HSD17B2: variants seen among roughly 807,000 people sequenced by gnomAD.
HSD17B2 encodes the protein hydroxysteroid 17-beta dehydrogenase 2.
Under a neutral mutation model 26.9 loss-of-function variants are expected in HSD17B2, and 32 were observed. The ratio of observed to expected loss-of-function variants is 1.19; its 90% CI spans 0.90 to 1.60. HSD17B2 has a LOEUF of 1.60. Among genes scored for constraint, HSD17B2 ranks in the 40% most tolerant of loss-of-function variants. The pLI, the probability that HSD17B2 is intolerant of heterozygous loss-of-function variation, is 0.00. For synonymous variants in HSD17B2, 246 were observed against 186.7 expected, an observed-to-expected ratio of 1.32 and a Z score of -2.59; for missense variants, 613 against 468.6, an observed-to-expected ratio of 1.31 and a Z score of -2.85.
chr16:82,066,739 A>T (rs1485833665), intron 1 of HSD17B2, among the ~76,000 whole-genome samples: 2 of 149,978 alleles, frequency 1.3e-5, no homozygotes, highest in African/African-American at 4.9e-5. Context: ...TTTATTAATT[A>T]TTATTATACT....
intron 1 of HSD17B2, among the ~76,000 whole-genome samples, chr16:82,061,198 C>T (rs1431006847): frequency 6.6e-6 from 1 of 150,552 alleles, no homozygotes; most frequent in Non-Finnish European, 1.5e-5. Context: ...GCAGAGGATG[C>T]AGTAAGCCAA....
At chr16:82,043,425 CTGT>C (rs1913822668) in intron 1 of HSD17B2, among the ~76,000 whole-genome samples, 1 of 124,410 alleles carries the variant, frequency 8.0e-6, no homozygotes, top group Non-Finnish European at 1.5e-5. Flanking sequence ...TGGCTCATGC[CTGT>C]AATCCCAGCA....
chr16:82,076,513 A>G (rs1034792598), intron 3 of HSD17B2, among the ~76,000 whole-genome samples: 2 of 152,268 alleles, frequency 1.3e-5, no homozygotes, highest in Non-Finnish European at 2.9e-5. Flanking sequence ...AAAAACAATT[A>G]AAACTGATAA....
intron 1 of HSD17B2, among the ~76,000 whole-genome samples, chr16:82,064,466 C>T (rs1013803946): frequency 1.3e-5 from 2 of 152,100 alleles, no homozygotes; most frequent in Admixed American, 6.6e-5. Flanking sequence ...CTGCTATGAA[C>T]ATTTGTGCAC....
intron 1 of HSD17B2, among the ~76,000 whole-genome samples, chr16:82,048,019 C>G (rs1335568910): frequency 6.6e-6 from 1 of 152,222 alleles, no homozygotes; most frequent in Non-Finnish European, 1.5e-5. Flanking sequence ...TTGTTTGAGA[C>G]ATGTTGAATT....
At chr16:82,094,021 G>C (rs1420321992) in intron 4 of HSD17B2, 2 of 152,216 alleles carry the variant, frequency 1.3e-5, no homozygotes, top group South Asian at 2.1e-4. Context: ...TGAGCAGTGA[G>C]GATGACCAGA....
chr16:82,081,839 T>C (rs1041696954), intron 3 of HSD17B2, among the ~76,000 whole-genome samples: 1 of 152,154 alleles, frequency 6.6e-6, no homozygotes, highest in Non-Finnish European at 1.5e-5. Context: ...AGACACAGAA[T>C]CAACCCAATT....
At chr16:82,043,152 G>A (rs1448843672) in intron 1 of HSD17B2, among the ~76,000 whole-genome samples, 1 of 152,198 alleles carries the variant, frequency 6.6e-6, no homozygotes, top group African/African-American at 2.4e-5. Flanking sequence ...AGGATGAGGG[G>A]AGAAAGAAGC....
At chr16:82,076,843 G>T (rs903584851) in intron 3 of HSD17B2, among the ~76,000 whole-genome samples, 1 of 152,184 alleles carries the variant, frequency 6.6e-6, no homozygotes, top group South Asian at 2.1e-4. Context: ...CTCCCAAAAG[G>T]CTGGGATTAC....
chr16:82,081,911 A>C lies in HSD17B2; in HGVS notation c.665-8991A>C, dbSNP rs975539102. Among the ~76,000 whole-genome samples, 4 of 152,198 alleles carry C rather than the reference A, an allele frequency of 2.6e-5. No individual in the cohort carries two copies. The East Asian group carries it at 7.7e-4, about 29-fold the overall frequency. On this transcript the variant is annotated intron_variant, in intron 3 of 4. Coordinates refer to ENST00000199936, the MANE Select transcript of HSD17B2 (RefSeq NM_002153.3). Reference sequence around the variant, plus strand: ...ACATATGCAGCATGGAATACTACACAGGCATAAAAAGGAATGAGATCATAT... The same window carrying C: ...ACATATGCAGCATGGAATACTACACCGGCATAAAAAGGAATGAGATCATAT...
At chr16:82,059,201 C>A (rs1914362237) in intron 1 of HSD17B2, among the ~76,000 whole-genome samples, 1 of 152,196 alleles carries the variant, frequency 6.6e-6, no homozygotes, top group Non-Finnish European at 1.5e-5. Context: ...AATTATTTAT[C>A]CAATGTGCAT....
intron 3 of HSD17B2, among the ~76,000 whole-genome samples, chr16:82,090,542 C>T (rs763684171): frequency 6.6e-6 from 1 of 152,048 alleles, no homozygotes; most frequent in Non-Finnish European, 1.5e-5. Context: ...TGGTCTCAAA[C>T]TCCTGACCTC....
chr16:82,046,044 T>C (rs892202875), intron 1 of HSD17B2, among the ~76,000 whole-genome samples: 1 of 152,192 alleles, frequency 6.6e-6, no homozygotes, highest in Non-Finnish European at 1.5e-5. Context: ...CATTACCTCT[T>C]AGGTGGGGAG....
chr16:82,094,139 T>A (rs1278699640), intron 4 of HSD17B2: 1 of 152,198 alleles, frequency 6.6e-6, no homozygotes. Flanking sequence ...ATACCAATCC[T>A]GCCAACCTCT....
chr16:82,097,957 A>AT (rs1483282270), intron 4 of HSD17B2, 118 bp from the exon 5 acceptor site: 52 of 929,560 alleles, frequency 5.6e-5, no homozygotes, highest in South Asian at 1.1e-4. Flanking sequence ...AAAAAATAAA[A>AT]AAATAAATAA....
chr16:82,089,703 G>C (rs1904628265), intron 3 of HSD17B2, among the ~76,000 whole-genome samples: 1 of 152,144 alleles, frequency 6.6e-6, no homozygotes, highest in Admixed American at 6.5e-5. Context: ...TTCAGCTATT[G>C]GTGGCCCTAG....
In HSD17B2 at chr16:82,068,389, C is replaced by A; in HGVS notation, c.478+7C>A. 5 of 1,603,958 alleles carry A rather than the reference C, an allele frequency of 3.1e-6. No individual in the cohort carries two copies. The highest frequency in any genetic ancestry group is 4.3e-6 in the Non-Finnish European group (5 of 1,175,260). On this transcript the variant is annotated splice_region_variant and intron_variant, in intron 2 of 4. Transcript: ENST00000199936. ...GCAATGCTGCAGGACAGAGGTACTGCCGCCAGCACCCTCAGTGCCTTTACC... is the reference window on the plus strand; with the variant it reads ...GCAATGCTGCAGGACAGAGGTACTGACGCCAGCACCCTCAGTGCCTTTACC...
Position 82,098,123 on chromosome 16 carries a change from T to C in HSD17B2, c.851T>C (p.Leu284Pro), listed in dbSNP as rs1229050425. Residue 284 changes from leucine (L) to proline (P), a missense_variant, in exon 5 of 5, where the codon CTG becomes CCG. Leu to Pro is a moderately conservative substitution (Grantham distance 98). Transcript: ENST00000199936. ...DKWEKLEKDILDHLPAEVQED... is the reference protein window; with the variant it reads ...DKWEKLEKDIPDHLPAEVQED... ...TGGGAAAAGCTGGAGAAGGACATTC[T>C]GGACCACCTCCCCGCTGAGGTACAG... 2 of 1,614,008 alleles carry C rather than the reference T, an allele frequency of 1.2e-6. No homozygotes were observed. Among genetic ancestry groups the C allele is most frequent in the Non-Finnish European group, 1.7e-6 (2 of 1,179,956 alleles).
At chr16:82,081,956 G>A (rs7195231) in intron 3 of HSD17B2, among the ~76,000 whole-genome samples, 2,147 of 152,238 alleles carry the variant, frequency 0.014, 50 homozygotes, top group African/African-American at 0.041. Flanking sequence ...GGACACGGAT[G>A]GAGCTGGAAG....
Sources: allele counts gnomAD v4.1 joint callset (sites outside exome capture counted in the v4.1 genomes callset), GRCh38; gene constraint gnomAD v4.1.1; transcripts MANE v1.5; gene names NCBI Gene and HGNC (gene_info 2026-07-23, HGNC 2026-07-21).